Variants in PCDHGB4 observed in about 807,000 individuals in gnomAD.
The protein encoded by PCDHGB4 is protocadherin gamma subfamily B, 4.
In PCDHGB4, 38 loss-of-function variants were observed where a neutral mutation model predicts 60.5. The ratio of observed to expected loss-of-function variants is 0.63; its 90% confidence interval spans 0.48 to 0.82. The LOEUF (loss-of-function observed/expected upper bound fraction) is 0.82, where lower values mean the gene tolerates loss of function less well. Ranked by LOEUF, PCDHGB4 falls within the 40% of genes least tolerant of loss-of-function variation. The pLI is 0.00. For synonymous variants in PCDHGB4, 456 were observed against 509.7 expected (o/e 0.89, Z 1.42); for missense variants, 1,109 against 1,209.6 (o/e 0.92, Z 1.23).
intron 1 of PCDHGB4, chr5:141,394,111 C>T: frequency 1.9e-6 from 3 of 1,613,936 alleles, no homozygotes; most frequent in African/African-American, 2.7e-5. Flanking sequence ...CCACCTCTGT[C>T]CACTGAAACT....
chr5:141,431,002 C>A lies in PCDHGB4; in HGVS notation c.2397+40721C>A, dbSNP rs1055964066. The A allele has an allele frequency of 6.2e-7, 1 of 1,613,836 alleles. No individual in the cohort carries two copies. Among genetic ancestry groups the A allele is most frequent in the Admixed American group, 1.7e-5 (1 of 59,990 alleles). The stretch of plus-strand genomic sequence containing the variant: ...AGCTTTTCGCCCTGAATCCGCGCAG[C>A]GGCAGCTTGGTCACGGCGGGCAGGA... On this transcript the variant is annotated intron_variant, in intron 1 of 3. Transcript: ENST00000519479. The surrounding 1 kb of genome is among the most constrained non-coding windows in gnomAD (Gnocchi z 4.8).
intron 1 of PCDHGB4, chr5:141,399,178 A>T: frequency 6.2e-7 from 1 of 1,613,892 alleles, no homozygotes; most frequent in Admixed American, 1.7e-5. Flanking sequence ...TCTACTTGAA[A>T]TGATTCTGGA....
rs2097422953 is a variant in PCDHGB4 at position 141,431,840 on chromosome 5, C to A, written c.2397+41559C>A. The A allele has an allele frequency of 1.9e-6, 3 of 1,614,248 alleles. No homozygotes were observed. The highest frequency in any genetic ancestry group is 1.6e-4 in the Middle Eastern group (1 of 6,062). ...CGCCAGCTCGGTTCCCGAAAACTCT[C>A]CCAGAGGGACATTAATTGCCCTTTT... On this transcript the variant is annotated intron_variant, in intron 1 of 3. Transcript: ENST00000519479. The surrounding 1 kb of genome is among the most constrained non-coding windows in gnomAD (Gnocchi z 4.8).
rs768354664 is a variant in PCDHGB4 at position 141,485,690 on chromosome 5, A to C, written c.2398-9117A>C. On this transcript the variant is annotated intron_variant, in intron 1 of 3. Coordinates refer to ENST00000519479, the MANE Select transcript of PCDHGB4 (RefSeq NM_003736.4). This position sits in a 1 kb window ranked among gnomAD's most constrained non-coding sequence, Gnocchi z 5.7. ...CAATTCGATTAGCAGCTATAGGCTG[A>C]GCTCCAATGAACACTTTGCACTGGA... 1.6e-5 allele frequency: 26 copies of C among 1,614,106 alleles called. No individual in the cohort carries two copies. In the South Asian group the frequency reaches 2.7e-4, roughly 17 times the overall value.
In PCDHGB4 at chr5:141,432,645, C is replaced by T. The variant is rs758701539; in HGVS notation, c.2397+42364C>T. On this transcript the variant is annotated intron_variant, in intron 1 of 3. Coordinates refer to ENST00000519479, the MANE Select transcript of PCDHGB4 (RefSeq NM_003736.4). The surrounding 1 kb of genome is among the most constrained non-coding windows in gnomAD (Gnocchi z 6.0). Reference sequence around the variant, plus strand: ...CTGCACACGGGCGAGGTGCGCACGGCGCGAGCCCTGCTGGACAGAGACGCG... The same window carrying T: ...CTGCACACGGGCGAGGTGCGCACGGTGCGAGCCCTGCTGGACAGAGACGCG... 1 of 1,613,746 alleles carries T rather than the reference C, an allele frequency of 6.2e-7. No homozygotes were observed. Among genetic ancestry groups the T allele is most frequent in the Admixed American group, 1.7e-5 (1 of 60,006 alleles).
chr5:141,428,173 C>G, intron 1 of PCDHGB4: 1 of 1,514,730 alleles, frequency 6.6e-7, no homozygotes. Context: ...CTGTGCGTGA[C>G]GGAGGACAGC....
chr5:141,478,901 A>T (rs2099483520), intron 1 of PCDHGB4: 2 of 1,002,034 alleles, frequency 2.0e-6, no homozygotes, highest in African/African-American at 3.3e-5. Flanking sequence ...ATTAGGAATA[A>T]GCTGCTGGAT....
intron 1 of PCDHGB4, chr5:141,410,562 C>A (rs748563687): frequency 1.9e-6 from 3 of 1,612,718 alleles, no homozygotes; most frequent in Non-Finnish European, 2.5e-6. Context: ...TCTCCTGGAG[C>A]CTTAATTCCA....
chr5:141,497,804 T>G (rs1196976996), intron 2 of PCDHGB4, among the ~76,000 whole-genome samples: 1 of 152,186 alleles, frequency 6.6e-6, no homozygotes, highest in Non-Finnish European at 1.5e-5. Context: ...CTTCCCAAAG[T>G]GCTAGAATTA....
chr5:141,486,832 A>G lies in PCDHGB4; in HGVS notation c.2398-7975A>G. 2.5e-6 allele frequency: 4 copies of G among 1,614,182 alleles called. No individual in the cohort carries two copies. Among genetic ancestry groups the G allele is most frequent in the South Asian group, 1.1e-5 (1 of 91,082 alleles). ...TTAGCAGCACTGTAACAGTTCGTCT[A>G]TTTGTGCTGGACCTCAATGACAATG... On this transcript the variant is annotated intron_variant, in intron 1 of 3. Transcript: ENST00000519479. The surrounding 1 kb of genome is among the most constrained non-coding windows in gnomAD (Gnocchi z 5.0).
In PCDHGB4 at chr5:141,476,432, G is replaced by A. The variant is rs139089802; in HGVS notation, c.2398-18375G>A. 15 of 1,614,116 alleles carry A rather than the reference G, an allele frequency of 9.3e-6. No individual in the cohort carries two copies. The East Asian group carries it at 3.3e-4, about 36-fold the overall frequency. Reference sequence around the variant, plus strand: ...GTGTGGGACACTGCCCTCTTGCACTGTAACTCTGGAGTTGGTAGTGGAGAA... The same window carrying A: ...GTGTGGGACACTGCCCTCTTGCACTATAACTCTGGAGTTGGTAGTGGAGAA... On this transcript the variant is annotated intron_variant, in intron 1 of 3. Coordinates refer to ENST00000519479, the MANE Select transcript of PCDHGB4 (RefSeq NM_003736.4). The surrounding 1 kb of genome is among the most constrained non-coding windows in gnomAD (Gnocchi z 7.6).
chr5:141,483,243 ATATATCATGAGGTTTTTTTGTT>A (rs555469799), intron 1 of PCDHGB4, among the ~76,000 whole-genome samples: 11 of 151,654 alleles, frequency 7.3e-5, no homozygotes, highest in African/African-American at 2.2e-4. Context: ...ACTGATATGC[ATATATCATGAGGTTTTTTTGTT>A]TTAGAAATAT....
At chr5:141,422,415 A>C (rs1330043187) in intron 1 of PCDHGB4, 1 of 1,604,786 alleles carries the variant, frequency 6.2e-7, no homozygotes, top group Admixed American at 1.7e-5. Flanking sequence ...TTAAATTAGA[A>C]AAGACTTATG....
intron 1 of PCDHGB4, chr5:141,423,577 G>A (rs1348410879): frequency 6.2e-7 from 1 of 1,613,478 alleles, no homozygotes; most frequent in Non-Finnish European, 8.5e-7. Context: ...CATCAGCCAG[G>A]AGAGCTGTGA....
At position 141,388,118 on chromosome 5, in the gene PCDHGB4, C is replaced by A. The variant is rs771996326; in HGVS notation, c.234C>A (p.Ser78Arg). The A allele has an allele frequency of 1.1e-5, 15 of 1,412,700 alleles. No homozygotes were observed. In the Admixed American group the frequency reaches 3.0e-4, roughly 28 times the overall value. The allele number at this position is 1,412,700 out of a possible 1,614,324, so 87.5% of individuals were successfully genotyped here. A position where few individuals can be genotyped will look rare whatever the true frequency, so the allele number is the denominator to read the frequency against. The change falls in exon 1 of 4, where the codon AGC becomes AGA. Residue 78 changes from serine to arginine, a missense_variant. By Grantham distance (110) the Ser-to-Arg change is moderately radical. Around this residue, in one of 2 missense-constraint regions of PCDHGB4, gnomAD observed 41 missense variants for 119.7 expected, o/e 0.34. Coordinates refer to ENST00000519479, the MANE Select transcript of PCDHGB4 (RefSeq NM_003736.4). ...CGGAGAAGCCTTACTTCACCGTGAG[C>A]GCAGAGAGCGGGGAGTTGCTTGTGA... ...VSSEKPYFTV[S>R]AESGELLVSS...
Position 141,477,898 on chromosome 5 carries a change from A to G in PCDHGB4, c.2398-16909A>G. 1 of 1,614,158 alleles carries G rather than the reference A, an allele frequency of 6.2e-7. No homozygotes were observed. Among genetic ancestry groups the G allele is most frequent in the Middle Eastern group, 1.6e-4 (1 of 6,062 alleles). ...CTGGCCACCTAGTGTCACGGGTGGTAGGCTGGGACGCGGATGCAGGGCACA... is the reference window on the plus strand; with the variant it reads ...CTGGCCACCTAGTGTCACGGGTGGTGGGCTGGGACGCGGATGCAGGGCACA... On this transcript the variant is annotated intron_variant, in intron 1 of 3. Coordinates refer to ENST00000519479, the MANE Select transcript of PCDHGB4 (RefSeq NM_003736.4). This position sits in a 1 kb window ranked among gnomAD's most constrained non-coding sequence, Gnocchi z 4.9.
Position 141,432,492 on chromosome 5 carries a change from C to A in PCDHGB4, c.2397+42211C>A. On this transcript the variant is annotated intron_variant, in intron 1 of 3. Transcript: ENST00000519479. The surrounding 1 kb of genome is among the most constrained non-coding windows in gnomAD (Gnocchi z 6.0). ...GACGGTTCCACTGGCGTGGAGCTGG[C>A]TCCCCGCTCCGCAGAGCCCGGCTAC... 6.2e-7 allele frequency: 1 copy of A among 1,614,168 alleles called. No individual in the cohort carries two copies. Among genetic ancestry groups the A allele is most frequent in the Admixed American group, 1.7e-5 (1 of 60,034 alleles).
chr5:141,498,197 A>C (rs1191884415), intron 2 of PCDHGB4, among the ~76,000 whole-genome samples: 1 of 152,246 alleles, frequency 6.6e-6, no homozygotes. Flanking sequence ...AACCAGCTAA[A>C]GAAAAGAAGG....
In PCDHGB4 at chr5:141,511,925, G is replaced by C. The variant is rs2099884008; in HGVS notation, c.*752G>C. 1 of 155,320 alleles carries C rather than the reference G, an allele frequency of 6.4e-6. No homozygotes were observed. Among genetic ancestry groups the C allele is most frequent in the Admixed American group, 6.3e-5 (1 of 15,924 alleles). 9.6% of individuals were successfully genotyped at this position (155,320 alleles called of 1,614,324 possible). A position where few individuals can be genotyped will look rare whatever the true frequency, so the allele number is the denominator to read the frequency against. ...CCTCAAACAAGAGACTCCACTGCAT[G>C]TTCCAAGACAGTATGGGGTGGTAAG... On this transcript the variant is annotated 3_prime_UTR_variant, in exon 4 of 4. Coordinates refer to ENST00000519479, the MANE Select transcript of PCDHGB4 (RefSeq NM_003736.4).
Sources: allele counts gnomAD v4.1 joint callset (sites outside exome capture counted in the v4.1 genomes callset), GRCh38; gene constraint gnomAD v4.1.1; regional missense constraint gnomAD v4.1.1; non-coding constraint Gnocchi (gnomAD v3.1); transcripts MANE v1.5; gene names NCBI Gene and HGNC (gene_info 2026-07-23, HGNC 2026-07-21).